The following NELL1 variants were observed in gnomAD, a reference collection of about 807,000 sequenced individuals.
NELL1 encodes neural EGFL like 1, also known as protein kinase C-binding protein NELL1.
A neutral mutation model predicts 107.4 loss-of-function variants in NELL1; 76 were observed. The ratio of observed to expected loss-of-function variants is 0.71; its 90% CI spans 0.59 to 0.86. The LOEUF is 0.86. Among genes scored for constraint, NELL1 ranks in the 40% least tolerant of loss-of-function variants. The pLI is 0.00. For missense variants in NELL1, 1,024 were observed against 1,005.5 expected, an observed-to-expected ratio of 1.02 and a Z score of -0.25; for synonymous variants, 353 against 341.2, an observed-to-expected ratio of 1.03 and a Z score of -0.38.
intron 14 of NELL1, among the ~76,000 whole-genome samples, chr11:21,349,899 T>C (rs558236769): frequency 6.6e-6 from 1 of 152,284 alleles, no homozygotes; most frequent in African/African-American, 2.4e-5. Flanking sequence ...ATATGGCCTT[T>C]TATTAAATGT....
chr11:20,771,121 G>T (rs1856631838), intron 2 of NELL1, among the ~76,000 whole-genome samples: 1 of 151,966 alleles, frequency 6.6e-6, no homozygotes, highest in Non-Finnish European at 1.5e-5. Flanking sequence ...AATGCAGAGG[G>T]TCCCCCTCCC....
At chr11:21,537,155 A>G (rs901275221) in intron 16 of NELL1, among the ~76,000 whole-genome samples, 2 of 152,136 alleles carry the variant, frequency 1.3e-5, no homozygotes, top group Non-Finnish European at 2.9e-5. Context: ...ACCCTCACTT[A>G]GTTATTTCTG....
chr11:21,148,953 G>A (rs763339550), intron 13 of NELL1, among the ~76,000 whole-genome samples: 1 of 152,090 alleles, frequency 6.6e-6, no homozygotes, highest in African/African-American at 2.4e-5. Flanking sequence ...TATCTATTGG[G>A]TTTTGCTAGG....
intron 15 of NELL1, among the ~76,000 whole-genome samples, chr11:21,485,660 C>A (rs1854609173): frequency 6.6e-6 from 1 of 151,862 alleles, no homozygotes; most frequent in Admixed American, 6.6e-5. Context: ...TGGCCCCGCC[C>A]TCCCTGGAGG....
intron 15 of NELL1, among the ~76,000 whole-genome samples, chr11:21,525,584 G>C (rs1411963938): frequency 6.6e-6 from 1 of 152,200 alleles, no homozygotes; most frequent in Non-Finnish European, 1.5e-5. Flanking sequence ...AAAAGTAGCT[G>C]TTTTTGTTTC....
chr11:21,161,521 A>G (rs540564059), intron 13 of NELL1, among the ~76,000 whole-genome samples: 3 of 152,122 alleles, frequency 2.0e-5, no homozygotes, highest in Non-Finnish European at 4.4e-5. Flanking sequence ...TGGGTGACAG[A>G]ATGAGATTCT....
intron 13 of NELL1, among the ~76,000 whole-genome samples, chr11:21,226,149 G>C (rs527569839): frequency 2.2e-4 from 34 of 152,274 alleles, no homozygotes; most frequent in African/African-American, 8.2e-4. Flanking sequence ...ATTAAACACA[G>C]TTTTGAAGGT....
intron 9 of NELL1, among the ~76,000 whole-genome samples, chr11:20,931,259 G>A (rs1270638906): frequency 6.6e-6 from 1 of 152,124 alleles, no homozygotes; most frequent in South Asian, 2.1e-4. Context: ...GCTTCCCGGA[G>A]GACATGGAGC....
intron 7 of NELL1, among the ~76,000 whole-genome samples, chr11:20,920,872 A>G (rs1850362287): frequency 6.6e-6 from 1 of 151,602 alleles, no homozygotes; most frequent in Admixed American, 6.6e-5. Context: ...AATTGTGGGC[A>G]GTTGCAAACA....
intron 13 of NELL1, among the ~76,000 whole-genome samples, chr11:21,115,924 T>C (rs1855225210): frequency 6.6e-6 from 1 of 151,980 alleles, no homozygotes; most frequent in African/African-American, 2.4e-5. Context: ...GGTTTTTTTT[T>C]CTTTAAAAAG....
At chr11:21,475,203 ATTTAT>A (rs994268482) in intron 15 of NELL1, among the ~76,000 whole-genome samples, 23 of 152,224 alleles carry the variant, frequency 1.5e-4, no homozygotes, top group African/African-American at 3.9e-4. Context: ...AAGAACTTTT[ATTTAT>A]TTTATCTATG....
At chr11:21,542,202 G>A (rs559396591) in intron 16 of NELL1, among the ~76,000 whole-genome samples, 3 of 152,182 alleles carry the variant, frequency 2.0e-5, no homozygotes, top group Admixed American at 1.3e-4. Context: ...TAAAGGTGAA[G>A]AAAATGTGAG....
At chr11:21,006,698 C>T (rs542723850) in intron 12 of NELL1, among the ~76,000 whole-genome samples, 2 of 152,174 alleles carry the variant, frequency 1.3e-5, no homozygotes, top group African/African-American at 2.4e-5. Flanking sequence ...AGACCCCCAA[C>T]GCCTCTCAGG....
chr11:20,930,153 A>C (rs1055329898), intron 9 of NELL1, among the ~76,000 whole-genome samples: 3 of 152,104 alleles, frequency 2.0e-5, no homozygotes, highest in African/African-American at 7.2e-5. Flanking sequence ...ACGTTTTTTT[A>C]AAATTATAAA....
intron 13 of NELL1, among the ~76,000 whole-genome samples, chr11:21,212,407 A>T (rs149438343): frequency 2.4e-4 from 36 of 152,284 alleles, no homozygotes; most frequent in African/African-American, 8.7e-4. Context: ...AATACACTAG[A>T]GTCTTTTGGT....
intron 17 of NELL1, among the ~76,000 whole-genome samples, chr11:21,561,017 G>T (rs142656291): frequency 6.4e-4 from 97 of 152,156 alleles, no homozygotes; most frequent in African/African-American, 2.3e-3. Flanking sequence ...TTTGCAAAAT[G>T]GGTCTATTAA....
At chr11:20,797,629 T>G (rs543624036) in intron 3 of NELL1, among the ~76,000 whole-genome samples, 1 of 144,760 alleles carries the variant, frequency 6.9e-6, no homozygotes, top group Non-Finnish European at 1.5e-5. Flanking sequence ...AGATCCTAGA[T>G]AAGAGGACAG....
In NELL1 at chr11:20,756,537, T is replaced by A. The variant is rs1229279627; in HGVS notation, c.185-27143T>A. Among the ~76,000 whole-genome samples the A allele has an allele frequency of 7.5e-5, 11 of 147,076 alleles. No individual in the cohort carries two copies. In the South Asian group the frequency reaches 2.2e-3, roughly 29 times the overall value. On this transcript the variant is annotated intron_variant, in intron 2 of 19. Coordinates refer to ENST00000357134, the MANE Select transcript of NELL1 (RefSeq NM_006157.5). The stretch of plus-strand genomic sequence containing the variant: ...TGTAATTTTTTTTTTTTTTTTTTTT[T>A]TTTTTAGTAGAGACAGGGTTTCACC...
At chr11:20,989,033 C>A (rs1851914434) in intron 12 of NELL1, among the ~76,000 whole-genome samples, 1 of 152,118 alleles carries the variant, frequency 6.6e-6, no homozygotes, top group African/African-American at 2.4e-5. Flanking sequence ...GTTTTCCCAT[C>A]TGTAACAATA....
Sources: gnomAD v4.1 joint callset for allele counts (sites outside exome capture counted in the v4.1 genomes callset) on GRCh38, gnomAD v4.1.1 for gene constraint, MANE v1.5 for transcripts, NCBI Gene and HGNC (gene_info 2026-07-23, HGNC 2026-07-21) for gene names.